Variants in WWP1 observed in about 807,000 individuals in gnomAD.
WWP1 encodes the protein NEDD4-like E3 ubiquitin-protein ligase WWP1.
In WWP1, 49 loss-of-function variants were observed where a neutral mutation model predicts 130.6. The observed-to-expected ratio is 0.38, with a 90% CI of 0.30 to 0.48. The LOEUF (loss-of-function observed/expected upper bound fraction) is 0.48. WWP1 is among the 20% of genes least tolerant of loss of function. The pLI is 0.99. For missense variants in WWP1, 809 were observed against 1,100.6 expected (o/e 0.74, Z 3.75); for synonymous variants, 332 against 367.8 (o/e 0.90, Z 1.11).
At chr8:86,447,356 T>A (rs1810939287) in intron 18 of WWP1, among the ~76,000 whole-genome samples, 1 of 152,154 alleles carries the variant, frequency 6.6e-6, no homozygotes, top group Admixed American at 6.5e-5. Flanking sequence ...AGCCTCCACC[T>A]CCCAGGTTCA....
At chr8:86,398,770 G>C (rs1037974485) in intron 7 of WWP1, 132 bp downstream of exon 7, 9 of 897,506 alleles carry the variant, frequency 1.0e-5, no homozygotes, top group Non-Finnish European at 1.3e-5. Flanking sequence ...ATGTCATTTG[G>C]TTAATTCTTG....
At position 86,435,735 on chromosome 8, in the gene WWP1, A is replaced by G. The variant is rs376565445; in HGVS notation, c.1749+31A>G. ...GAGGATTTTAGCAGAATAAAACACC[A>G]TTTGTCTCATTGTATTCTGTGCATC... On this transcript the variant is annotated intron_variant, in intron 16 of 24. Coordinates refer to ENST00000517970, the MANE Select transcript of WWP1 (RefSeq NM_007013.4). The G allele has an allele frequency of 1.7e-5, 28 of 1,600,690 alleles. No individual in the cohort carries two copies. The African/African-American group carries it at 2.7e-4, about 15-fold the overall frequency.
At position 86,401,842 on chromosome 8, in the gene WWP1, A is replaced by G. The variant is rs1036398237; in HGVS notation, c.540-177A>G. Among the ~76,000 whole-genome samples, 5 of 152,092 alleles carry G rather than the reference A, an allele frequency of 3.3e-5. No individual in the cohort carries two copies. In the East Asian group the frequency reaches 9.6e-4, roughly 29 times the overall value. ...CATATCTTTGTTCATTACTCTATTTACCTATCATTTTACTTGAAACATAAA... is the reference window on the plus strand; with the variant it reads ...CATATCTTTGTTCATTACTCTATTTGCCTATCATTTTACTTGAAACATAAA... On this transcript the variant is annotated intron_variant, in intron 7 of 24. Transcript: ENST00000517970.
At chr8:86,359,236 G>T (rs761855368) in intron 1 of WWP1, among the ~76,000 whole-genome samples, 1 of 151,944 alleles carries the variant, frequency 6.6e-6, no homozygotes, top group Non-Finnish European at 1.5e-5. Context: ...ATAAATAATC[G>T]ATTTGAATGA....
At chr8:86,461,522 C>T (rs1026932501) in intron 23 of WWP1, 1 of 626,382 alleles carries the variant, frequency 1.6e-6, no homozygotes, top group Non-Finnish European at 2.8e-6. Flanking sequence ...GCTGAGGTGG[C>T]CATTGCTTTG....
rs551813177 is a variant in WWP1, at chr8:86,381,184, A to C, written c.209+320A>C. Among the ~76,000 whole-genome samples, 3 of 152,322 alleles carry C rather than the reference A, an allele frequency of 2.0e-5. No individual in the cohort carries two copies. The East Asian group carries it at 5.8e-4, about 29-fold the overall frequency. On this transcript the variant is annotated intron_variant, in intron 4 of 24. Coordinates refer to ENST00000517970, the MANE Select transcript of WWP1 (RefSeq NM_007013.4). The stretch of plus-strand genomic sequence containing the variant: ...ATGGCATAAATTTGTGTATAGTAAA[A>C]GTATCATGTAAGTCTTTAGACATTT...
chr8:86,352,006 G>GT (rs1318834302), intron 1 of WWP1, among the ~76,000 whole-genome samples: 1 of 143,514 alleles, frequency 7.0e-6, no homozygotes, highest in Non-Finnish European at 1.5e-5. Flanking sequence ...CTCTGTCAGA[G>GT]TTCATTTTTC....
At chr8:86,415,497 CATT>C (rs1808839590) in intron 9 of WWP1, among the ~76,000 whole-genome samples, 1 of 152,188 alleles carries the variant, frequency 6.6e-6, no homozygotes, top group Admixed American at 6.5e-5. Flanking sequence ...GCTTGCAAAT[CATT>C]AACTGGAATT....
intron 1 of WWP1, among the ~76,000 whole-genome samples, chr8:86,366,984 G>T (rs1051048105): frequency 6.6e-6 from 1 of 152,082 alleles, no homozygotes; most frequent in Non-Finnish European, 1.5e-5. Context: ...CTCTATTGAG[G>T]GGGGAGACTG....
intron 1 of WWP1, 75 bp downstream of exon 1, chr8:86,343,005 C>T: frequency 6.4e-6 from 2 of 310,122 alleles, no homozygotes; most frequent in East Asian, 5.1e-5. Context: ...GAGCCTTGGC[C>T]GCGGTGCTGG....
rs911537998 is a variant in WWP1 at position 86,435,459 on chromosome 8, G to A, written c.1609G>A (p.Gly537Ser). Residue 537 changes from glycine to serine, a missense_variant, in exon 15 of 25, where the codon GGT (glycine) becomes AGT (serine). Gly to Ser is a moderately conservative substitution (Grantham distance 56, BLOSUM62 0). Around this residue, in one of 3 missense-constraint regions of WWP1, gnomAD observed 450 missense variants for 674.2 expected, o/e 0.67. Transcript: ENST00000517970. Reference sequence around the variant, plus strand: ...ATTTTTGTTTTTCTTTAGAACTAAAGGTGGTCCACAAATTGCTTATGAACG... The same window carrying A: ...ATTTTTGTTTTTCTTTAGAACTAAAAGTGGTCCACAAATTGCTTATGAACG... Reference protein sequence around the residue: ...PRNGKSSVTKGGPQIAYERGF... With the variant: ...PRNGKSSVTKSGPQIAYERGF... 1.2e-6 allele frequency: 2 copies of A among 1,614,034 alleles called. No homozygotes were observed. Among genetic ancestry groups the A allele is most frequent in the African/African-American group, 2.7e-5 (2 of 75,018 alleles).
chr8:86,467,028 C>A lies in WWP1; in HGVS notation c.*135C>A. ...CTCTCAAAGTATGTTTTCCGTTCTT[C>A]CACAGAAATATGCAAAACAGTTCAT... On this transcript the variant is annotated 3_prime_UTR_variant, in exon 25 of 25. Transcript: ENST00000517970. 1 of 661,140 alleles carries A rather than the reference C, an allele frequency of 1.5e-6. No individual in the cohort carries two copies. Among genetic ancestry groups the A allele is most frequent in the South Asian group, 1.9e-5 (1 of 53,106 alleles). The allele number at this position is 661,140 out of a possible 1,614,324, so 41.0% of individuals were successfully genotyped here.
chr8:86,409,037 T>G (rs566437235), intron 8 of WWP1, among the ~76,000 whole-genome samples: 2 of 152,188 alleles, frequency 1.3e-5, no homozygotes, highest in South Asian at 4.1e-4. Flanking sequence ...TTAAAAAAAT[T>G]TTCTTGTGTA....
rs143872016 is a variant in WWP1, at chr8:86,404,126, C to T, written c.724+1923C>T. 2.3e-3 allele frequency among the ~76,000 whole-genome samples: 349 copies of T among 152,208 alleles called. 5 individuals carry two copies. Among genetic ancestry groups the T allele is most frequent in the African/African-American group, 7.9e-3 (327 of 41,552 alleles). On this transcript the variant is annotated intron_variant, in intron 8 of 24. Coordinates refer to ENST00000517970, the MANE Select transcript of WWP1 (RefSeq NM_007013.4). ...TGACATGATGCTGAAAGGAAATGCTCGTTGGAGCATTTCAGATTTTGAATT... is the reference window on the plus strand; with the variant it reads ...TGACATGATGCTGAAAGGAAATGCTTGTTGGAGCATTTCAGATTTTGAATT...
intron 1 of WWP1, among the ~76,000 whole-genome samples, chr8:86,349,790 A>G (rs1451817399): frequency 1.3e-5 from 2 of 151,706 alleles, no homozygotes; most frequent in East Asian, 3.9e-4. Context: ...CTAACAAAGT[A>G]CAGGACCCAA....
chr8:86,439,298 A>T (rs1490979621), intron 17 of WWP1, among the ~76,000 whole-genome samples: 2 of 149,832 alleles, frequency 1.3e-5, no homozygotes, highest in South Asian at 4.3e-4. Flanking sequence ...AGCTGAGATC[A>T]TGCCACTGCA....
intron 20 of WWP1, among the ~76,000 whole-genome samples, chr8:86,449,425 A>C (rs1332309801): frequency 6.6e-6 from 1 of 152,250 alleles, no homozygotes; most frequent in African/African-American, 2.4e-5. Context: ...ACAGTGTATA[A>C]ATAGATGTGT....
chr8:86,377,193 C>A (rs1287136596), intron 3 of WWP1, among the ~76,000 whole-genome samples: 1 of 152,010 alleles, frequency 6.6e-6, no homozygotes, highest in East Asian at 1.9e-4. Context: ...TCAAGTGATT[C>A]TCCTGCATCA....
intron 2 of WWP1, among the ~76,000 whole-genome samples, chr8:86,370,858 T>TTTTTATTTTTA (rs1335951422): frequency 3.2e-4 from 15 of 46,438 alleles, no homozygotes; most frequent in African/African-American, 9.5e-4. Flanking sequence ...ATTCATTCTT[T>TTTTTATTTTTA]TTTTTTTTTT....
Sources: gnomAD v4.1 joint callset for allele counts (sites outside exome capture counted in the v4.1 genomes callset) on GRCh38, gnomAD v4.1.1 for gene constraint, gnomAD v4.1.1 regional missense constraint, MANE v1.5 for transcripts, NCBI Gene and HGNC (gene_info 2026-07-23, HGNC 2026-07-21) for gene names.